The following ADAMTS19 variants were observed in gnomAD, a reference collection of about 807,000 sequenced individuals.
ADAMTS19 encodes the protein ADAM metallopeptidase with thrombospondin type 1 motif 19.
A neutral mutation model predicts 153.3 loss-of-function variants in ADAMTS19; 93 were observed. The ratio of observed to expected loss-of-function variants is 0.61; its 90% CI spans 0.51 to 0.72. The LOEUF (loss-of-function observed/expected upper bound fraction) is 0.72. Among genes scored for constraint, ADAMTS19 ranks in the 30% least tolerant of loss-of-function variants. The probability of loss-of-function intolerance (pLI) is 0.00; values close to 1 mark genes in which losing one functional copy is unlikely to be tolerated. For synonymous variants in ADAMTS19, 600 were observed against 556.6 expected (o/e 1.08, Z -1.10); for missense variants, 1,482 against 1,552.1 (o/e 0.95, Z 0.76).
intron 5 of ADAMTS19, 86 bp downstream of exon 5, chr5:129,527,917 T>C: frequency 1.2e-6 from 1 of 843,842 alleles, no homozygotes; most frequent in East Asian, 2.6e-5. Context: ...GTTAAGGATG[T>C]GCTTAAAAAT....
intron 15 of ADAMTS19, among the ~76,000 whole-genome samples, chr5:129,662,888 A>ATTTTTTTTTTTTTTTTTTTT (rs3049499): frequency 1.1e-5 from 1 of 92,888 alleles, no homozygotes; most frequent in African/African-American, 4.7e-5. Context: ...ATTCTTCTTC[A>ATTTTTTTTTTTTTTTTTTTT]TTTTTTTTTT....
chr5:129,589,726 T>C (rs1750005070), intron 7 of ADAMTS19, among the ~76,000 whole-genome samples: 2 of 152,114 alleles, frequency 1.3e-5, no homozygotes, highest in South Asian at 2.1e-4. Flanking sequence ...TTTATATCTG[T>C]GGTCTGTCTC....
chr5:129,663,159 G>A lies in ADAMTS19; in HGVS notation c.2426-2340G>A, dbSNP rs145034692. On this transcript the variant is annotated intron_variant, in intron 15 of 22. Transcript: ENST00000274487. ...TCTGCCTGCCTCGGCCTCCAAAAGT[G>A]CTGGGATTATAGGCGTTAGCCACCA... Among the ~76,000 whole-genome samples the A allele has an allele frequency of 2.6e-5, 4 of 152,230 alleles. No individual in the cohort carries two copies. The East Asian group carries it at 7.7e-4, about 29-fold the overall frequency.
chr5:129,693,619 A>G (rs1249945857), intron 18 of ADAMTS19, among the ~76,000 whole-genome samples: 1 of 152,218 alleles, frequency 6.6e-6, no homozygotes, highest in Non-Finnish European at 1.5e-5. Flanking sequence ...TCTGTATATA[A>G]GACTTTTTCA....
intron 18 of ADAMTS19, among the ~76,000 whole-genome samples, chr5:129,689,281 T>C (rs528534670): frequency 2.0e-4 from 31 of 152,280 alleles, no homozygotes; most frequent in South Asian, 1.0e-3. Context: ...CCCTTGTCCA[T>C]ATCCAGATCA....
chr5:129,504,655 C>T (rs1429170998), intron 2 of ADAMTS19, among the ~76,000 whole-genome samples: 2 of 152,104 alleles, frequency 1.3e-5, no homozygotes, highest in Non-Finnish European at 2.9e-5. Flanking sequence ...CCAACATCTT[C>T]CCAAACTCCC....
At chr5:129,663,698 C>A (rs559197943) in intron 15 of ADAMTS19, among the ~76,000 whole-genome samples, 1 of 152,276 alleles carries the variant, frequency 6.6e-6, no homozygotes, top group Admixed American at 6.5e-5. Flanking sequence ...CAACTATATC[C>A]CTGTTCCTCT....
chr5:129,689,602 T>A (rs909939462), intron 18 of ADAMTS19, among the ~76,000 whole-genome samples: 1 of 152,206 alleles, frequency 6.6e-6, no homozygotes, highest in South Asian at 2.1e-4. Flanking sequence ...TTTTTTTGTA[T>A]TTTTAGTAGA....
intron 7 of ADAMTS19, among the ~76,000 whole-genome samples, chr5:129,572,595 G>T (rs2126866778): frequency 6.6e-6 from 1 of 152,076 alleles, no homozygotes; most frequent in Non-Finnish European, 1.5e-5. Flanking sequence ...GCAATGAAAA[G>T]AAATGAATTA....
chr5:129,646,084 T>G (rs1753054556), intron 11 of ADAMTS19, among the ~76,000 whole-genome samples: 1 of 149,658 alleles, frequency 6.7e-6, no homozygotes, highest in Non-Finnish European at 1.5e-5. Context: ...GAGACGGGGT[T>G]TCACTGTTTT....
intron 11 of ADAMTS19, among the ~76,000 whole-genome samples, chr5:129,644,233 C>G (rs1395149220): frequency 1.3e-5 from 2 of 152,070 alleles, no homozygotes; most frequent in Non-Finnish European, 2.9e-5. Flanking sequence ...ACTAATGAAC[C>G]TCTCAGTTTT....
rs545423933 is a variant in ADAMTS19, at chr5:129,464,375, A to G, written c.747+2618A>G. 2.0e-5 allele frequency among the ~76,000 whole-genome samples: 3 copies of G among 152,316 alleles called. No individual in the cohort carries two copies. In the East Asian group the frequency reaches 5.8e-4, roughly 29 times the overall value. On this transcript the variant is annotated intron_variant, in intron 2 of 22. Transcript: ENST00000274487. Reference sequence around the variant, plus strand: ...TATATAGAGATGGTGAATCATTTATAAATGCAATGGCCATGAGTTTGCAAC... The same window carrying G: ...TATATAGAGATGGTGAATCATTTATGAATGCAATGGCCATGAGTTTGCAAC...
intron 2 of ADAMTS19, among the ~76,000 whole-genome samples, chr5:129,507,156 G>T (rs1047955170): frequency 6.6e-6 from 1 of 151,964 alleles, no homozygotes; most frequent in Non-Finnish European, 1.5e-5. Flanking sequence ...CAGAAACTGA[G>T]CATGTTTGCC....
chr5:129,461,535 C>G lies in ADAMTS19; in HGVS notation c.525C>G (p.Ile175Met), dbSNP rs749627557. The G allele has an allele frequency of 1.3e-6, 2 of 1,531,106 alleles. No homozygotes were observed. Among genetic ancestry groups the G allele is most frequent in the Non-Finnish European group, 1.7e-6 (2 of 1,145,498 alleles). The allele number at this position is 1,531,106 out of a possible 1,614,324, so 94.8% of individuals were successfully genotyped here. A position where few individuals can be genotyped will look rare whatever the true frequency, so the allele number is the denominator to read the frequency against. The change falls in exon 2 of 23, where the codon ATC (isoleucine) becomes ATG (methionine). Residue 175 changes from isoleucine to methionine, a missense_variant. Physicochemically the swap from Ile to Met is conservative, Grantham distance 10. This residue lies in a region of ADAMTS19 where 866 missense variants were observed against 827.7 expected (regional missense o/e 1.05). Coordinates refer to ENST00000274487, the MANE Select transcript of ADAMTS19 (RefSeq NM_133638.6). The surrounding 1 kb of genome is among the most constrained non-coding windows in gnomAD (Gnocchi z 4.6). ...ATGGCGACGAAGTGTTGCTGCGGATCCCGGCCTTCTCTCGGGACCTGTACC... is the reference window on the plus strand; with the variant it reads ...ATGGCGACGAAGTGTTGCTGCGGATGCCGGCCTTCTCTCGGGACCTGTACC... ...EPDGDEVLLR[I>M]PAFSRDLYLL...
intron 10 of ADAMTS19, among the ~76,000 whole-genome samples, chr5:129,628,865 G>A (rs1752168914): frequency 6.6e-6 from 1 of 152,090 alleles, no homozygotes; most frequent in Non-Finnish European, 1.5e-5. Context: ...TATAGCCTAG[G>A]TGTGTAGTAC....
intron 8 of ADAMTS19, among the ~76,000 whole-genome samples, chr5:129,615,206 C>CA (rs776566885): frequency 2.6e-5 from 4 of 151,872 alleles, no homozygotes; most frequent in Non-Finnish European, 5.9e-5. Context: ...CATATGGAAC[C>CA]AAAAAAGAGC....
chr5:129,518,194 T>C (rs1392978763), intron 3 of ADAMTS19, among the ~76,000 whole-genome samples: 1 of 152,154 alleles, frequency 6.6e-6, no homozygotes, highest in Non-Finnish European at 1.5e-5. Context: ...GATTGTGTCA[T>C]TGTTTAGTCT....
chr5:129,665,232 T>C (rs1753990842), intron 15 of ADAMTS19, among the ~76,000 whole-genome samples: 1 of 151,870 alleles, frequency 6.6e-6, no homozygotes, highest in Non-Finnish European at 1.5e-5. Context: ...CTCCTCACAA[T>C]TCATAAGGTA....
intron 2 of ADAMTS19, among the ~76,000 whole-genome samples, chr5:129,465,311 T>TG (rs1561526887): frequency 8.1e-5 from 12 of 147,944 alleles, no homozygotes; most frequent in African/African-American, 3.2e-4. Context: ...ACAATGTTTT[T>TG]TTTTTTTTTT....
Sources: allele counts gnomAD v4.1 joint callset (sites outside exome capture counted in the v4.1 genomes callset), GRCh38; gene constraint gnomAD v4.1.1; regional missense constraint gnomAD v4.1.1; non-coding constraint Gnocchi (gnomAD v3.1); transcripts MANE v1.5; gene names NCBI Gene and HGNC (gene_info 2026-07-23, HGNC 2026-07-21).